AGBL4: variants seen among roughly 807,000 people sequenced by gnomAD.
AGBL4 encodes cytosolic carboxypeptidase 6.
A neutral mutation model predicts 66.4 loss-of-function variants in AGBL4; 58 were observed. The ratio of observed to expected loss-of-function variants is 0.87; its 90% CI spans 0.71 to 1.09. The LOEUF (loss-of-function observed/expected upper bound fraction) is 1.09. AGBL4 is among the 50% of genes least tolerant of loss of function. AGBL4 has a pLI of 0.00. For synonymous variants in AGBL4, 234 were observed against 222.9 expected (o/e 1.05, Z -0.44); for missense variants, 579 against 631.0 (o/e 0.92, Z 0.88).
At chr1:48,882,104 G>A (rs1649846008) in intron 5 of AGBL4, among the ~76,000 whole-genome samples, 1 of 152,124 alleles carries the variant, frequency 6.6e-6, no homozygotes, top group African/African-American at 2.4e-5. Flanking sequence ...TGCTGCCCTT[G>A]GGCAGGGGCA....
At chr1:49,930,307 T>C (rs1653203276) in intron 1 of AGBL4, among the ~76,000 whole-genome samples, 1 of 151,842 alleles carries the variant, frequency 6.6e-6, no homozygotes, top group Non-Finnish European at 1.5e-5. Flanking sequence ...AATAAAGAAA[T>C]TGAACTTAAA....
At chr1:48,638,798 A>G (rs1420171278) in intron 8 of AGBL4, among the ~76,000 whole-genome samples, 2 of 152,220 alleles carry the variant, frequency 1.3e-5, no homozygotes, top group Non-Finnish European at 2.9e-5. Context: ...CATGGCAGAC[A>G]TCGAAGAAGT....
chr1:49,798,483 T>C (rs936538987), intron 2 of AGBL4, among the ~76,000 whole-genome samples: 1 of 152,220 alleles, frequency 6.6e-6, no homozygotes, highest in Admixed American at 6.5e-5. Flanking sequence ...TAATAAAGTT[T>C]AAAATCTTCA....
intron 4 of AGBL4, among the ~76,000 whole-genome samples, chr1:49,152,659 A>G (rs1174656898): frequency 1.3e-5 from 2 of 152,184 alleles, no homozygotes; most frequent in African/African-American, 4.8e-5. Context: ...CACCAAATTA[A>G]TGCAGTTTTC....
At chr1:49,620,073 T>C (rs1409867990) in intron 3 of AGBL4, among the ~76,000 whole-genome samples, 1 of 152,090 alleles carries the variant, frequency 6.6e-6, no homozygotes, top group African/African-American at 2.4e-5. Context: ...AAAGACTTCA[T>C]TACTAAAACA....
At chr1:49,873,756 G>C (rs1646897573) in intron 1 of AGBL4, among the ~76,000 whole-genome samples, 1 of 152,006 alleles carries the variant, frequency 6.6e-6, no homozygotes. Flanking sequence ...CAGAACACAG[G>C]CTGTTTCTGT....
At chr1:49,643,129 T>C (rs912688769) in intron 3 of AGBL4, among the ~76,000 whole-genome samples, 5 of 151,818 alleles carry the variant, frequency 3.3e-5, no homozygotes, top group Non-Finnish European at 2.9e-5. Flanking sequence ...TAAAAATAGA[T>C]AAATCAGATG....
intron 1 of AGBL4, among the ~76,000 whole-genome samples, chr1:49,979,636 G>GC (rs1658894129): frequency 1.3e-5 from 2 of 152,118 alleles, no homozygotes; most frequent in African/African-American, 4.8e-5. Context: ...TTTGTGGTGA[G>GC]CTCAAGGGTT....
chr1:49,611,897 C>T (rs1645162543), intron 3 of AGBL4, among the ~76,000 whole-genome samples: 2 of 152,046 alleles, frequency 1.3e-5, no homozygotes, highest in Admixed American at 1.3e-4. Context: ...TACACTAGAC[C>T]ATCTTAAAGT....
chr1:49,859,012 G>GA (rs917767567), intron 1 of AGBL4, among the ~76,000 whole-genome samples: 19 of 135,348 alleles, frequency 1.4e-4, no homozygotes, highest in East Asian at 2.1e-4. Context: ...TATCTCAAAA[G>GA]AAAAAAAAAA....
intron 3 of AGBL4, among the ~76,000 whole-genome samples, chr1:49,484,686 C>T (rs1647027115): frequency 6.6e-6 from 1 of 151,758 alleles, no homozygotes; most frequent in Non-Finnish European, 1.5e-5. Context: ...TATTTGATAG[C>T]ATAACAGAGT....
intron 4 of AGBL4, among the ~76,000 whole-genome samples, chr1:49,117,483 TC>T (rs1446091361): frequency 6.6e-6 from 1 of 152,206 alleles, no homozygotes; most frequent in African/African-American, 2.4e-5. Context: ...GGGAATCCTT[TC>T]CCCACTGCTT....
At chr1:49,682,436 T>C (rs976067617) in intron 3 of AGBL4, among the ~76,000 whole-genome samples, 3 of 152,120 alleles carry the variant, frequency 2.0e-5, no homozygotes, top group African/African-American at 7.2e-5. Flanking sequence ...AGACATAAAG[T>C]TAATAAATTA....
At chr1:49,367,274 C>T (rs1644257521) in intron 3 of AGBL4, among the ~76,000 whole-genome samples, 1 of 152,124 alleles carries the variant, frequency 6.6e-6, no homozygotes, top group Non-Finnish European at 1.5e-5. Flanking sequence ...TTATGAATGG[C>T]TTGGCATCCT....
intron 6 of AGBL4, among the ~76,000 whole-genome samples, chr1:48,846,999 AAAAAC>A (rs147146722): frequency 0.038 from 5,816 of 152,242 alleles, 365 homozygotes; most frequent in African/African-American, 0.13. Context: ...AAACAAAAAC[AAAAAC>A]AAAAAAACGA....
At chr1:49,350,511 T>A (rs1485750067) in intron 3 of AGBL4, among the ~76,000 whole-genome samples, 3 of 152,154 alleles carry the variant, frequency 2.0e-5, no homozygotes, top group African/African-American at 7.2e-5. Context: ...CCCTGAATAT[T>A]TGTTGAATAA....
At chr1:48,646,553 G>GTC (rs2148432020) in intron 8 of AGBL4, among the ~76,000 whole-genome samples, 1 of 151,170 alleles carries the variant, frequency 6.6e-6, no homozygotes, top group South Asian at 2.1e-4. Flanking sequence ...GTGTGTGTGT[G>GTC]TGCTGGTGCT....
chr1:49,823,844 G>A (rs1645435157), intron 2 of AGBL4, among the ~76,000 whole-genome samples: 1 of 151,200 alleles, frequency 6.6e-6, no homozygotes. Context: ...TACTGTGTGG[G>A]AATGTATACA....
At chr1:49,810,224 G>A (rs1645066437) in intron 2 of AGBL4, among the ~76,000 whole-genome samples, 1 of 152,100 alleles carries the variant, frequency 6.6e-6, no homozygotes, top group Non-Finnish European at 1.5e-5. Context: ...ACTGAAGTCT[G>A]TGGGACTCCA....
Sources: allele counts gnomAD v4.1 joint callset (sites outside exome capture counted in the v4.1 genomes callset), GRCh38; gene constraint gnomAD v4.1.1; transcripts MANE v1.5; gene names NCBI Gene and HGNC (gene_info 2026-07-23, HGNC 2026-07-21).